The following NAB1 variants were observed in gnomAD, a reference collection of about 807,000 sequenced individuals.
NAB1 encodes the protein NGFI-A-binding protein 1.
In NAB1, 25 loss-of-function variants were observed where a neutral mutation model predicts 49.9. The ratio of observed to expected loss-of-function variants is 0.50; its 90% CI spans 0.37 to 0.70. The LOEUF (loss-of-function observed/expected upper bound fraction) is 0.70, where lower values mean the gene tolerates loss of function less well. NAB1 is among the 30% of genes least tolerant of loss of function. NAB1 has a pLI of 0.00. For synonymous variants in NAB1, 198 were observed against 215.6 expected (o/e 0.92, Z 0.71); for missense variants, 489 against 575.9 (o/e 0.85, Z 1.54).
chr2:190,690,190 T>G, intron 9 of NAB1, 55 bp from the exon 10 acceptor site: 1 of 1,236,360 alleles, frequency 8.1e-7, no homozygotes, highest in Non-Finnish European at 1.2e-6. Flanking sequence ...CTTTGTTTGA[T>G]TTTTGTAGTC....
intron 5 of NAB1, among the ~76,000 whole-genome samples, chr2:190,672,518 T>C (rs1400966521): frequency 6.6e-6 from 1 of 152,214 alleles, no homozygotes; most frequent in Admixed American, 6.5e-5. Flanking sequence ...GGTAAATACA[T>C]CTGTAGTTTC....
chr2:190,660,135 T>C, intron 4 of NAB1, 140 bp downstream of exon 4: 2 of 712,352 alleles, frequency 2.8e-6, no homozygotes, highest in Non-Finnish European at 4.7e-6. Flanking sequence ...TAGCAACATG[T>C]AGCACTTTTG....
In NAB1 at chr2:190,659,762, G is replaced by A; in HGVS notation, c.586G>A (p.Ala196Thr). The A allele has an allele frequency of 6.2e-7, 1 of 1,614,108 alleles. No homozygotes were observed. The highest frequency in any genetic ancestry group is 8.5e-7 in the Non-Finnish European group (1 of 1,179,976). Residue 196 changes from alanine to threonine, a missense_variant, in exon 4 of 10, where the codon GCG becomes ACG. Physicochemically the swap from Ala to Thr is moderately conservative, Grantham distance 58. Transcript: ENST00000337386. This position sits in a 1 kb window ranked among gnomAD's most constrained non-coding sequence, Gnocchi z 6.2. The stretch of plus-strand genomic sequence containing the variant: ...CAGTGAGGCGCTGGATGCTGCTGCT[G>A]CGCTCTCTGTGGCTGAGTGTGTGGA... ...ESSEALDAAA[A>T]LSVAECVERM...
In NAB1 at chr2:190,685,563, T is replaced by A. The variant is rs986574006; in HGVS notation, c.1183T>A (p.Ser395Thr). Residue 395 changes from serine (S) to threonine (T), a missense_variant, in exon 8 of 10, where the codon TCT becomes ACT. By Grantham distance (58) the Ser-to-Thr change is moderately conservative. Coordinates refer to ENST00000337386, the MANE Select transcript of NAB1 (RefSeq NM_005966.4). This position sits in a 1 kb window ranked among gnomAD's most constrained non-coding sequence, Gnocchi z 4.5. ...ACTGCAGCATGCCGAGAGGAGGTTG[T>A]CTGCAGGGCTTTACAGGCAGAGCTC... Reference protein sequence around the residue: ...ERLQHAERRLSAGLYRQSSEE... With the variant: ...ERLQHAERRLTAGLYRQSSEE... 3.1e-6 allele frequency: 5 copies of A among 1,614,148 alleles called. No homozygotes were observed. The African/African-American group carries it at 6.7e-5, about 22-fold the overall frequency.
Position 190,651,260 on chromosome 2 carries a change from A to T in NAB1, c.-197+1278A>T, listed in dbSNP as rs571909668. Among the ~76,000 whole-genome samples the T allele has an allele frequency of 8.4e-5, 12 of 142,592 alleles. No individual in the cohort carries two copies. Among genetic ancestry groups the T allele is most frequent in the Admixed American group, 8.2e-4 (12 of 14,692 alleles). The allele number at this position is 142,592 out of a possible 152,430, so 93.5% of individuals were successfully genotyped here. On this transcript the variant is annotated intron_variant, in intron 2 of 9. Transcript: ENST00000337386. This position sits in a 1 kb window ranked among gnomAD's most constrained non-coding sequence, Gnocchi z 4.3. ...AAAATACTTTATCTCATCTTATTTC[A>T]AAATTATTCAGTTGAGTAATCTCTT...
Position 190,690,296 on chromosome 2 carries a change from A to AG in NAB1, c.1428dup (p.Lys477GlufsTer8). 6.2e-7 allele frequency: 1 copy of AG among 1,612,976 alleles called. No individual in the cohort carries two copies. The highest frequency in any genetic ancestry group is 2.2e-5 in the East Asian group (1 of 44,794). ...CCTCATTCAGCTTTTACCTTAGAAAAGAAAGTCATCAAAACAGAGCCTGAA... is the reference window on the plus strand; with the variant it reads ...CCTCATTCAGCTTTTACCTTAGAAAAGGAAAGTCATCAAAACAGAGCCTGAA... On this transcript the variant is annotated frameshift_variant, in exon 10 of 10. Coordinates refer to ENST00000337386, the MANE Select transcript of NAB1 (RefSeq NM_005966.4). LOFTEE classifies it high-confidence loss of function.
intron 9 of NAB1, among the ~76,000 whole-genome samples, chr2:190,688,564 C>G: frequency 6.6e-6 from 1 of 151,288 alleles, no homozygotes; most frequent in Non-Finnish European, 1.5e-5. Context: ...CAAAAACGAA[C>G]AAAAAACGAC....
chr2:190,682,371 GGTCACATAGCTA>G lies in NAB1; in HGVS notation c.1006-1364_1006-1353del, dbSNP rs372171617. On this transcript the variant is annotated intron_variant, in intron 6 of 9. Coordinates refer to ENST00000337386, the MANE Select transcript of NAB1 (RefSeq NM_005966.4). The surrounding 1 kb of genome is among the most constrained non-coding windows in gnomAD (Gnocchi z 4.1). ...AGAAAGGTTAAGTTACTCATCCGGT[GGTCACATAGCTA>G]GTGAGTGGTGACAGGCCTTTCGAAT... Among the ~76,000 whole-genome samples the G allele has an allele frequency of 3.0e-4, 45 of 152,194 alleles. No homozygotes were observed. The highest frequency in any genetic ancestry group is 1.1e-3 in the African/African-American group (44 of 41,502).
At position 190,663,611 on chromosome 2, in the gene NAB1, C is replaced by G. The variant is rs781701628; in HGVS notation, c.819+3616C>G. Among the ~76,000 whole-genome samples the G allele has an allele frequency of 6.6e-6, 1 of 152,184 alleles. No homozygotes were observed. Among genetic ancestry groups the G allele is most frequent in the South Asian group, 2.1e-4 (1 of 4,816 alleles). On this transcript the variant is annotated intron_variant, in intron 4 of 9. Transcript: ENST00000337386. The surrounding 1 kb of genome is among the most constrained non-coding windows in gnomAD (Gnocchi z 4.2). ...CCAACCTCTGATCTTTTTGAAGAAG[C>G]CACTCTGGGCTTAGTTGCTATTCTT... is the stretch of plus-strand genomic sequence containing the variant.
In NAB1 at chr2:190,686,189, C is replaced by T. The variant is rs186831868; in HGVS notation, c.1258+551C>T. ...AAATCCCAAGTCATTGTTATTCACC[C>T]AACCAACAGGCATTTTATTTTTTTA... is the stretch of plus-strand genomic sequence containing the variant. On this transcript the variant is annotated intron_variant, in intron 8 of 9. Coordinates refer to ENST00000337386, the MANE Select transcript of NAB1 (RefSeq NM_005966.4). The surrounding 1 kb of genome is among the most constrained non-coding windows in gnomAD (Gnocchi z 5.5). 6.4e-4 allele frequency among the ~76,000 whole-genome samples: 98 copies of T among 152,280 alleles called. No individual in the cohort carries two copies. Among genetic ancestry groups the T allele is most frequent in the Admixed American group, 1.3e-3 (20 of 15,298 alleles).
rs193123108 is a variant in NAB1 at position 190,692,458 on chromosome 2, A to C, written c.*2125A>C. 6 of 152,756 alleles carry C rather than the reference A, an allele frequency of 3.9e-5. No homozygotes were observed. The highest frequency in any genetic ancestry group is 1.4e-4 in the African/African-American group (6 of 41,586). The allele number at this position is 152,756 out of a possible 1,614,324, so 9.5% of individuals were successfully genotyped here. A position where few individuals can be genotyped will look rare whatever the true frequency, so the allele number is the denominator to read the frequency against. The stretch of plus-strand genomic sequence containing the variant: ...AAAATTTCAGTAGAATACAGTTTTT[A>C]TTTTGTAAACACTAATGTATTAAAC... On this transcript the variant is annotated 3_prime_UTR_variant, in exon 10 of 10. Coordinates refer to ENST00000337386, the MANE Select transcript of NAB1 (RefSeq NM_005966.4). The surrounding 1 kb of genome is among the most constrained non-coding windows in gnomAD (Gnocchi z 5.2).
rs758510178 is a variant in NAB1 at position 190,685,546 on chromosome 2, A to T, written c.1166A>T (p.His389Leu). The T allele has an allele frequency of 1.2e-6, 2 of 1,614,156 alleles. No individual in the cohort carries two copies. Among genetic ancestry groups the T allele is most frequent in the Non-Finnish European group, 1.7e-6 (2 of 1,180,022 alleles). Residue 389 changes from histidine to leucine, a missense_variant, in exon 8 of 10, where the codon CAT becomes CTT. By Grantham distance (99) the His-to-Leu change is moderately conservative. This residue lies in a region of NAB1 where 212 missense variants were observed against 199.3 expected (regional missense o/e 1.06). Transcript: ENST00000337386. This position sits in a 1 kb window ranked among gnomAD's most constrained non-coding sequence, Gnocchi z 4.5. ...CNQAGYERLQ[H>L]AERRLSAGLY... ...CAAGCTGGCTATGAGAGACTGCAGC[A>T]TGCCGAGAGGAGGTTGTCTGCAGGG...
rs1012683732 is a variant in NAB1, at chr2:190,676,040, A to C, written c.1005+2888A>C. ...GGCTGTATAAAGTTACCACTCCCTTAAAACTTTTCACCAAGTACTGGTGCT... is the reference window on the plus strand; with the variant it reads ...GGCTGTATAAAGTTACCACTCCCTTCAAACTTTTCACCAAGTACTGGTGCT... On this transcript the variant is annotated intron_variant, in intron 6 of 9. Coordinates refer to ENST00000337386, the MANE Select transcript of NAB1 (RefSeq NM_005966.4). The surrounding 1 kb of genome is among the most constrained non-coding windows in gnomAD (Gnocchi z 4.6). 3.3e-5 allele frequency among the ~76,000 whole-genome samples: 5 copies of C among 152,222 alleles called. No individual in the cohort carries two copies. The highest frequency in any genetic ancestry group is 9.6e-5 in the African/African-American group (4 of 41,452).
Position 190,670,514 on chromosome 2 carries a change from C to G in NAB1, c.953+55C>G, listed in dbSNP as rs532161871. On this transcript the variant is annotated intron_variant, in intron 5 of 9. Transcript: ENST00000337386. This position sits in a 1 kb window ranked among gnomAD's most constrained non-coding sequence, Gnocchi z 5.3. ...TGCATTGCTTGAGAGAAGTAGAGTT[C>G]GAAACATCATCTATTGATAGAATAT... is the stretch of plus-strand genomic sequence containing the variant. The G allele has an allele frequency of 4.0e-4, 616 of 1,548,408 alleles. 2 individuals are homozygous for G. The highest frequency in any genetic ancestry group is 3.1e-3 in the South Asian group (269 of 87,362).
chr2:190,692,672 T>G lies in NAB1; in HGVS notation c.*2339T>G, dbSNP rs1462493277. ...TCCCCGAGTCTCTTACACTTTATTG[T>G]GCGATGTCCACGTTTTTGTGACTCT... is the stretch of plus-strand genomic sequence containing the variant. On this transcript the variant is annotated 3_prime_UTR_variant, in exon 10 of 10. Coordinates refer to ENST00000337386, the MANE Select transcript of NAB1 (RefSeq NM_005966.4). This position sits in a 1 kb window ranked among gnomAD's most constrained non-coding sequence, Gnocchi z 5.2. 1 of 152,658 alleles carries G rather than the reference T, an allele frequency of 6.6e-6. No homozygotes were observed. Among genetic ancestry groups the G allele is most frequent in the African/African-American group, 2.4e-5 (1 of 41,462 alleles). 9.5% of individuals were successfully genotyped at this position (152,658 alleles called of 1,614,324 possible).
chr2:190,687,130 C>A, intron 8 of NAB1, 71 bp from the exon 9 acceptor site: 1 of 982,592 alleles, frequency 1.0e-6, no homozygotes, highest in African/African-American at 1.7e-5. Context: ...AGTGTTCAGG[C>A]AAAATTTATT....
chr2:190,660,595 C>T (rs954017182), intron 4 of NAB1, among the ~76,000 whole-genome samples: 2 of 152,206 alleles, frequency 1.3e-5, no homozygotes, highest in African/African-American at 4.8e-5. Flanking sequence ...TAACATTATA[C>T]TTCACGTGTG....
Position 190,670,291 on chromosome 2 carries a change from G to A in NAB1, c.820-35G>A, listed in dbSNP as rs1369454345. 1.3e-6 allele frequency: 2 copies of A among 1,573,196 alleles called. No individual in the cohort carries two copies. Among genetic ancestry groups the A allele is most frequent in the Admixed American group, 2.0e-5 (1 of 50,944 alleles). On this transcript the variant is annotated intron_variant, in intron 4 of 9. Coordinates refer to ENST00000337386, the MANE Select transcript of NAB1 (RefSeq NM_005966.4). The surrounding 1 kb of genome is among the most constrained non-coding windows in gnomAD (Gnocchi z 5.3). ...TTTTGCATTTTGATGAAATTAAAAT[G>A]TTCTTAATTTTGAAACTCTGTTTTG...
At chr2:190,662,221 AT>A (rs1422859969) in intron 4 of NAB1, among the ~76,000 whole-genome samples, 1 of 152,180 alleles carries the variant, frequency 6.6e-6, no homozygotes, top group Non-Finnish European at 1.5e-5. Context: ...GGTGGATGAA[AT>A]TCAGGAAGCT....
Sources: gnomAD v4.1 joint callset for allele counts (sites outside exome capture counted in the v4.1 genomes callset) on GRCh38, gnomAD v4.1.1 for gene constraint, gnomAD v4.1.1 regional missense constraint, Gnocchi (gnomAD v3.1) non-coding constraint, MANE v1.5 for transcripts, NCBI Gene and HGNC (gene_info 2026-07-23, HGNC 2026-07-21) for gene names.